The following UBR3 variants were observed in gnomAD, a reference collection of about 807,000 sequenced individuals.
UBR3 encodes ubiquitin protein ligase E3 component n-recognin 3.
In UBR3, 85 loss-of-function variants were observed where a neutral mutation model predicts 243.2. The observed-to-expected ratio is 0.35, with a 90% CI of 0.29 to 0.42. The LOEUF (loss-of-function observed/expected upper bound fraction) is 0.42, where lower values mean the gene tolerates loss of function less well. Ranked by LOEUF, UBR3 falls within the 10% of genes least tolerant of loss-of-function variation. The pLI is 1.00. For synonymous variants in UBR3, 748 were observed against 799.8 expected (o/e 0.94, Z 1.09); for missense variants, 1,686 against 2,300.8 (o/e 0.73, Z 5.47).
chr2:169,882,232 T>C (rs1262401282), intron 5 of UBR3, among the ~76,000 whole-genome samples: 1 of 136,880 alleles, frequency 7.3e-6, no homozygotes. Flanking sequence ...TATATACATA[T>C]ATTTATATTG....
chr2:169,941,986 G>C (rs2086609719), intron 19 of UBR3, among the ~76,000 whole-genome samples: 1 of 152,200 alleles, frequency 6.6e-6, no homozygotes, highest in Non-Finnish European at 1.5e-5. Flanking sequence ...CTTGTGATCT[G>C]TTTGCTCAAG....
At chr2:169,977,013 T>A (rs1299174932) in intron 24 of UBR3, among the ~76,000 whole-genome samples, 1 of 82,240 alleles carries the variant, frequency 1.2e-5, no homozygotes, top group Non-Finnish European at 2.5e-5. Flanking sequence ...TTCTGTGGTA[T>A]TTTTTTGTTT....
chr2:169,932,102 G>A (rs149425321), intron 18 of UBR3, among the ~76,000 whole-genome samples: 1 of 149,612 alleles, frequency 6.7e-6, no homozygotes, highest in East Asian at 2.0e-4. Flanking sequence ...CTTGGAGACT[G>A]AGTCTCACTC....
chr2:169,924,920 C>A (rs752336382), intron 13 of UBR3, among the ~76,000 whole-genome samples: 2 of 152,110 alleles, frequency 1.3e-5, no homozygotes, highest in African/African-American at 4.8e-5. Context: ...GTAGTCCCAG[C>A]TACTCGGGAG....
At chr2:169,935,759 A>C (rs995086492) in intron 19 of UBR3, among the ~76,000 whole-genome samples, 1 of 152,142 alleles carries the variant, frequency 6.6e-6, no homozygotes, top group African/African-American at 2.4e-5. Flanking sequence ...GTCATGTAGC[A>C]TTTCATTTGC....
intron 23 of UBR3, among the ~76,000 whole-genome samples, chr2:169,952,414 A>G (rs1334657273): frequency 6.6e-6 from 1 of 152,192 alleles, no homozygotes; most frequent in African/African-American, 2.4e-5. Context: ...TTAGTCACAT[A>G]TATAGTTACA....
chr2:169,861,798 ACT>A (rs2083102003), intron 1 of UBR3, among the ~76,000 whole-genome samples: 1 of 151,742 alleles, frequency 6.6e-6, no homozygotes, highest in Non-Finnish European at 1.5e-5. Context: ...TTATTAAGTA[ACT>A]CTCCCTACAC....
intron 26 of UBR3, among the ~76,000 whole-genome samples, chr2:169,999,620 C>T (rs996460850): frequency 6.6e-6 from 1 of 152,016 alleles, no homozygotes; most frequent in Admixed American, 6.5e-5. Context: ...TTGCTCTGGC[C>T]CACCCATCTA....
chr2:170,055,501 T>TACACACAGGCTCTTGCAGC lies in UBR3; in HGVS notation c.4705_4723dup (p.Leu1575HisfsTer10), dbSNP rs1179539095. 1 of 1,613,676 alleles carries TACACACAGGCTCTTGCAGC rather than the reference T, an allele frequency of 6.2e-7. No homozygotes were observed. Among genetic ancestry groups the TACACACAGGCTCTTGCAGC allele is most frequent in the Non-Finnish European group, 8.5e-7 (1 of 1,179,776 alleles). Reference sequence around the variant, plus strand: ...TGTGAAGGTACTTTTTACCCTACTGTACACACAGGCTCTTGCAGCACTCTC... The same window carrying TACACACAGGCTCTTGCAGC: ...TGTGAAGGTACTTTTTACCCTACTGTACACACAGGCTCTTGCAGCACACACAGGCTCTTGCAGCACTCTC... On this transcript the variant is annotated frameshift_variant, in exon 33 of 39. Coordinates refer to ENST00000272793, the MANE Select transcript of UBR3 (RefSeq NM_172070.4). LOFTEE classifies it high-confidence loss of function.
At chr2:170,013,219 C>T (rs373062633) in intron 29 of UBR3, among the ~76,000 whole-genome samples, 68 of 152,152 alleles carry the variant, frequency 4.5e-4, no homozygotes, top group African/African-American at 1.6e-3. Flanking sequence ...ACATATGACC[C>T]ATTTGTGTGT....
intron 20 of UBR3, among the ~76,000 whole-genome samples, chr2:169,943,022 G>T (rs932768556): frequency 6.6e-6 from 1 of 152,128 alleles, no homozygotes; most frequent in African/African-American, 2.4e-5. Context: ...AGGTTGGGGG[G>T]TTCTTTTTGC....
chr2:169,902,889 C>T (rs1574161318), intron 8 of UBR3, among the ~76,000 whole-genome samples: 1 of 152,148 alleles, frequency 6.6e-6, no homozygotes, highest in African/African-American at 2.4e-5. Context: ...GGATTACAGG[C>T]GTGAGCCACC....
chr2:169,969,767 T>C (rs957138957), intron 24 of UBR3, among the ~76,000 whole-genome samples: 8 of 145,450 alleles, frequency 5.5e-5, no homozygotes, highest in African/African-American at 2.0e-4. Context: ...GCCAGGATGG[T>C]CTCCATCTCC....
At chr2:170,019,070 T>G (rs2105414121) in intron 30 of UBR3, among the ~76,000 whole-genome samples, 1 of 152,316 alleles carries the variant, frequency 6.6e-6, no homozygotes, top group Middle Eastern at 3.4e-3. Flanking sequence ...GGTCTGAGAA[T>G]TTGTCTGCTT....
rs138549202 is a variant in UBR3, at chr2:169,899,582, A to G, written c.1465+2847A>G. On this transcript the variant is annotated intron_variant, in intron 8 of 38. Transcript: ENST00000272793. Reference sequence around the variant, plus strand: ...GCGCAGGTTTGTTACCTAGGTATACATGTGCCATGGTGGTTTGCTGCACCC... The same window carrying G: ...GCGCAGGTTTGTTACCTAGGTATACGTGTGCCATGGTGGTTTGCTGCACCC... Among the ~76,000 whole-genome samples, 225 of 152,272 alleles carry G rather than the reference A, an allele frequency of 1.5e-3. 1 individual carries two copies. Among genetic ancestry groups the G allele is most frequent in the African/African-American group, 5.0e-3 (208 of 41,558 alleles).
At chr2:169,996,702 T>TG (rs1305348461) in intron 26 of UBR3, among the ~76,000 whole-genome samples, 2 of 146,972 alleles carry the variant, frequency 1.4e-5, no homozygotes, top group African/African-American at 5.1e-5. Context: ...TGTTTTTTTT[T>TG]TTTTTTTTTT....
At chr2:169,888,436 G>A (rs975815201) in intron 5 of UBR3, among the ~76,000 whole-genome samples, 3 of 152,038 alleles carry the variant, frequency 2.0e-5, no homozygotes, top group African/African-American at 4.8e-5. Flanking sequence ...ACCGCGCCTC[G>A]TCCTGTATTA....
chr2:169,838,394 T>TGG (rs1315720758), intron 1 of UBR3, among the ~76,000 whole-genome samples: 1 of 8,784 alleles, frequency 1.1e-4, no homozygotes, highest in Non-Finnish European at 3.2e-4. Context: ...CATTTGTGTG[T>TGG]GTGTGTGTGT....
chr2:169,874,560 CAG>C (rs1420937644), intron 2 of UBR3, among the ~76,000 whole-genome samples: 1 of 152,158 alleles, frequency 6.6e-6, no homozygotes, highest in Non-Finnish European at 1.5e-5. Context: ...AATGAAAACT[CAG>C]AGATCTTGTG....
Sources: allele counts gnomAD v4.1 joint callset (sites outside exome capture counted in the v4.1 genomes callset), GRCh38; gene constraint gnomAD v4.1.1; transcripts MANE v1.5; gene names NCBI Gene and HGNC (gene_info 2026-07-23, HGNC 2026-07-21).